The following ANKRD27 variants were observed in gnomAD, a reference collection of about 807,000 sequenced individuals.
ANKRD27 encodes the protein ankyrin repeat domain-containing protein 27.
In ANKRD27, 112 loss-of-function variants were observed where a neutral mutation model predicts 129.7. The observed-to-expected ratio is 0.86, with a 90% confidence interval of 0.74 to 1.01. The LOEUF is 1.01. ANKRD27 is among the 50% of genes least tolerant of loss of function. ANKRD27 has a pLI of 0.00. For synonymous variants in ANKRD27, 516 were observed against 511.2 expected, an observed-to-expected ratio of 1.01 and a Z score of -0.13; for missense variants, 1,258 against 1,300.5, an observed-to-expected ratio of 0.97 and a Z score of 0.50.
chr19:32,607,526 G>A, intron 23 of ANKRD27, 109 bp downstream of exon 23: 1 of 1,303,812 alleles, frequency 7.7e-7, no homozygotes, highest in Admixed American at 2.3e-5. Flanking sequence ...GCTCGGGGGA[G>A]CAGTGTCCTC....
chr19:32,632,632 T>A (rs897302228), intron 12 of ANKRD27, among the ~76,000 whole-genome samples: 26 of 147,226 alleles, frequency 1.8e-4, no homozygotes, highest in African/African-American at 4.0e-4. Context: ...CTTTCCATAA[T>A]ACTTTATGAA....
In ANKRD27 at chr19:32,625,173, T is replaced by C. The variant is rs1371850886; in HGVS notation, c.1629+701A>G. Among the ~76,000 whole-genome samples, 3 of 151,954 alleles carry C rather than the reference T, an allele frequency of 2.0e-5. No individual in the cohort carries two copies. The East Asian group carries it at 5.8e-4, about 29-fold the overall frequency. ...CGGGAGGCTGAGGTGGGAGAATCGCTTGAACCTGGAAGGAGGAGGTTGCAG... is the reference window on the plus strand; with the variant it reads ...CGGGAGGCTGAGGTGGGAGAATCGCCTGAACCTGGAAGGAGGAGGTTGCAG... On this transcript the variant is annotated intron_variant, in intron 17 of 28. Coordinates refer to ENST00000306065, the MANE Select transcript of ANKRD27 (RefSeq NM_032139.3).
At chr19:32,602,199 T>A in intron 25 of ANKRD27, 73 bp from the exon 26 acceptor site, 1 of 971,536 alleles carries the variant, frequency 1.0e-6, no homozygotes, top group Non-Finnish European at 1.6e-6. Context: ...GTTTTTGATC[T>A]AAATGTCAGT....
At chr19:32,664,031 G>A (rs1967697427) in intron 1 of ANKRD27, among the ~76,000 whole-genome samples, 1 of 131,260 alleles carries the variant, frequency 7.6e-6, no homozygotes, top group Non-Finnish European at 1.6e-5. Context: ...ACTCCAGCCT[G>A]GGCGACAGAG....
chr19:32,629,337 C>T (rs1042750093), intron 13 of ANKRD27, among the ~76,000 whole-genome samples: 3 of 152,158 alleles, frequency 2.0e-5, no homozygotes, highest in African/African-American at 2.4e-5. Flanking sequence ...GATGAAACAA[C>T]TGCACAATGG....
At chr19:32,647,248 G>C (rs553028339) in intron 3 of ANKRD27, among the ~76,000 whole-genome samples, 1 of 152,310 alleles carries the variant, frequency 6.6e-6, no homozygotes, top group Admixed American at 6.5e-5. Flanking sequence ...CGTGTGTTTG[G>C]GAGGGTTTGT....
At chr19:32,615,831 T>A in intron 21 of ANKRD27, 51 bp from the exon 22 acceptor site, 2 of 1,590,160 alleles carry the variant, frequency 1.3e-6, no homozygotes, top group Non-Finnish European at 8.6e-7. Flanking sequence ...CGTCTTTGCA[T>A]GCACAATATC....
Position 32,622,302 on chromosome 19 carries a change from T to C in ANKRD27, c.1827+120A>G, listed in dbSNP as rs186259322. On this transcript the variant is annotated intron_variant, in intron 18 of 28. Coordinates refer to ENST00000306065, the MANE Select transcript of ANKRD27 (RefSeq NM_032139.3). ...GACGTCCCACATGCGGCAGAAAGGG[T>C]GCAAGCCAAGTTCTGCCCTCAGGCA... 39 of 1,051,894 alleles carry C rather than the reference T, an allele frequency of 3.7e-5. No individual in the cohort carries two copies. In the Middle Eastern group the frequency reaches 1.9e-3, roughly 51 times the overall value. The allele number at this position is 1,051,894 out of a possible 1,614,324, so 65.2% of individuals were successfully genotyped here.
At position 32,643,464 on chromosome 19, in the gene ANKRD27, C is replaced by T; in HGVS notation, c.606G>A (p.Glu202=). The T allele has an allele frequency of 6.2e-7, 1 of 1,613,804 alleles. No homozygotes were observed. Among genetic ancestry groups the T allele is most frequent in the Non-Finnish European group, 8.5e-7 (1 of 1,180,000 alleles). Residue 202 remains glutamate, a synonymous_variant, in exon 7 of 29, where the codon GAG becomes GAA. Coordinates refer to ENST00000306065, the MANE Select transcript of ANKRD27 (RefSeq NM_032139.3). Reference sequence around the variant, plus strand: ...CCTGCTTCATCAGGTTCATCTGGGCCTCCTGCTTGGCGAGCATTTTCTAGA... The same window carrying T: ...CCTGCTTCATCAGGTTCATCTGGGCTTCCTGCTTGGCGAGCATTTTCTAGA... ...DSHLKMLAKQ[E]AQMNLMKQAV...
intron 28 of ANKRD27, 116 bp from the exon 29 acceptor site, chr19:32,598,494 C>A: frequency 1.1e-6 from 1 of 891,294 alleles, no homozygotes; most frequent in Non-Finnish European, 1.8e-6. Context: ...CAGTGCTTGA[C>A]AGGCATAATT....
intron 18 of ANKRD27, among the ~76,000 whole-genome samples, chr19:32,620,502 G>A (rs540948913): frequency 1.0e-3 from 158 of 151,410 alleles, no homozygotes; most frequent in African/African-American, 3.7e-3. Flanking sequence ...CTGGGAGGTG[G>A]AAGTTGCAGT....
In ANKRD27 at chr19:32,598,202, G is replaced by A; in HGVS notation, c.3096C>T (p.Gly1032=). 6.2e-7 allele frequency: 1 copy of A among 1,614,130 alleles called. No homozygotes were observed. Among genetic ancestry groups the A allele is most frequent in the Admixed American group, 1.7e-5 (1 of 60,010 alleles). ...HTVEDAVVSQ[G]PEAAGPLSTP... The stretch of plus-strand genomic sequence containing the variant: ...TGGAGAGGGGGCCAGCAGCCTCCGG[G>A]CCCTGGGACACGACCGCATCCTCTA... The change falls in exon 29 of 29, where the codon GGC becomes GGT. Residue 1032 remains glycine (G), a synonymous_variant. Transcript: ENST00000306065.
Position 32,619,169 on chromosome 19 carries a change from G to A in ANKRD27, c.2007+91C>T, listed in dbSNP as rs563671209. 615 of 1,494,822 alleles carry A rather than the reference G, an allele frequency of 4.1e-4. 2 individuals carry two copies. Among genetic ancestry groups the A allele is most frequent in the Non-Finnish European group, 5.2e-4 (582 of 1,115,162 alleles). 92.6% of individuals were successfully genotyped at this position (1,494,822 alleles called of 1,614,324 possible). On this transcript the variant is annotated intron_variant, in intron 20 of 28. Transcript: ENST00000306065. ...GCATGGGCAAGCAGGCTGAGAGGGC[G>A]GCCCTTGTCAGGCCACGGCTCTTCA... is the stretch of plus-strand genomic sequence containing the variant.
rs1002508640 is a variant in ANKRD27, at chr19:32,648,510, A to G, written c.213+1172T>C. ...GCACAGTGCCTGCAACTTACTCTCA[A>G]AAGATTCAGGCCAGGCGCGGTGGCG... On this transcript the variant is annotated intron_variant, in intron 3 of 28. Coordinates refer to ENST00000306065, the MANE Select transcript of ANKRD27 (RefSeq NM_032139.3). Among the ~76,000 whole-genome samples, 3 of 152,326 alleles carry G rather than the reference A, an allele frequency of 2.0e-5. No homozygotes were observed. In the East Asian group the frequency reaches 5.8e-4, roughly 29 times the overall value.
At chr19:32,659,359 G>C (rs916013224) in intron 1 of ANKRD27, among the ~76,000 whole-genome samples, 9 of 152,052 alleles carry the variant, frequency 5.9e-5, no homozygotes, top group African/African-American at 2.2e-4. Flanking sequence ...TGGGATTACA[G>C]GCATGAGCTG....
rs1234606694 is a variant in ANKRD27, at chr19:32,640,387, T to C, written c.905-2A>G. 6.2e-7 allele frequency: 1 copy of C among 1,613,526 alleles called. No individual in the cohort carries two copies. Among genetic ancestry groups the C allele is most frequent in the South Asian group, 1.1e-5 (1 of 91,076 alleles). ...CAGCACACATGGTCTCCAGGTTCAC[T>C]GCAAAGGGGAAACACACATTCAATG... is the stretch of plus-strand genomic sequence containing the variant. On this transcript the variant is annotated splice_acceptor_variant, in intron 10 of 28. Coordinates refer to ENST00000306065, the MANE Select transcript of ANKRD27 (RefSeq NM_032139.3). LOFTEE classifies it high-confidence loss of function.
At chr19:32,646,114 T>A (rs1488399859) in intron 4 of ANKRD27, among the ~76,000 whole-genome samples, 1 of 152,034 alleles carries the variant, frequency 6.6e-6, no homozygotes, top group East Asian at 1.9e-4. Context: ...GTATTTTTAG[T>A]AGAGATGGGG....
At chr19:32,625,435 C>CT (rs34165165) in intron 17 of ANKRD27, among the ~76,000 whole-genome samples, 94 of 133,308 alleles carry the variant, frequency 7.1e-4, no homozygotes, top group Admixed American at 1.2e-3. Context: ...TAAACATTCT[C>CT]TTTTTTTTTT....
At chr19:32,665,316 G>A (rs1171673475) in intron 1 of ANKRD27, among the ~76,000 whole-genome samples, 1 of 145,524 alleles carries the variant, frequency 6.9e-6, no homozygotes, top group African/African-American at 2.5e-5. Flanking sequence ...TTGAGACAGA[G>A]TCTCGCTCTC....
Sources: allele counts gnomAD v4.1 joint callset (sites outside exome capture counted in the v4.1 genomes callset), GRCh38; gene constraint gnomAD v4.1.1; transcripts MANE v1.5; gene names NCBI Gene and HGNC (gene_info 2026-07-23, HGNC 2026-07-21).